Variants in CDX1 observed in about 807,000 individuals in gnomAD.
The protein encoded by CDX1 is caudal type homeobox 1.
In CDX1, 9 loss-of-function variants were observed where a neutral mutation model predicts 16.9. The ratio of observed to expected loss-of-function variants is 0.53; its 90% CI spans 0.32 to 0.93. The LOEUF (loss-of-function observed/expected upper bound fraction) is 0.93. Ranked by LOEUF, CDX1 falls within the 40% of genes least tolerant of loss-of-function variation. CDX1 has a pLI of 0.04. For missense variants in CDX1, 393 were observed against 386.1 expected (o/e 1.02, Z -0.15); for synonymous variants, 179 against 179.0 (o/e 1.00, Z 0.00).
rs745329598 is a variant in CDX1, at chr5:150,183,737, C to T, written c.*57C>T. On this transcript the variant is annotated 3_prime_UTR_variant, in exon 3 of 3. Coordinates refer to ENST00000231656, the MANE Select transcript of CDX1 (RefSeq NM_001804.3). ...GGGGACTCGGGTGCTGGGAGTGTGG[C>T]TCCTGTGGGCCCAGGAGGTCTGGTC... 3.2e-4 allele frequency: 436 copies of T among 1,373,948 alleles called. No homozygotes were observed. Among genetic ancestry groups the T allele is most frequent in the Middle Eastern group, 1.7e-3 (7 of 4,114 alleles). The allele number at this position is 1,373,948 out of a possible 1,614,324, so 85.1% of individuals were successfully genotyped here.
chr5:150,183,419 C>A, intron 2 of CDX1, 55 bp from the exon 3 acceptor site: 1 of 1,458,696 alleles, frequency 6.9e-7, no homozygotes, highest in Non-Finnish European at 9.3e-7. Flanking sequence ...TTCTTGCACT[C>A]TCTCTTTCAC....
intron 1 of CDX1, among the ~76,000 whole-genome samples, chr5:150,175,112 G>A (rs1202182905): frequency 6.6e-6 from 1 of 152,114 alleles, no homozygotes; most frequent in Non-Finnish European, 1.5e-5. Context: ...TGTCTCTGTA[G>A]TATCATCATC....
chr5:150,183,383 T>C, intron 2 of CDX1, 91 bp from the exon 3 acceptor site: 1 of 1,160,704 alleles, frequency 8.6e-7, no homozygotes, highest in Non-Finnish European at 1.2e-6. Context: ...CATGGAGAAA[T>C]AGGGGCTCAC....
chr5:150,176,747 C>A (rs576215352), intron 1 of CDX1, among the ~76,000 whole-genome samples: 1 of 152,316 alleles, frequency 6.6e-6, no homozygotes, highest in East Asian at 1.9e-4. Flanking sequence ...GGACCAGGAC[C>A]CACTGACTTT....
chr5:150,167,175 C>A lies in CDX1; in HGVS notation c.299C>A (p.Pro100Gln). The change falls in exon 1 of 3, where the codon CCG becomes CAG. Residue 100 changes from proline to glutamine, a missense_variant. Coordinates refer to ENST00000231656, the MANE Select transcript of CDX1 (RefSeq NM_001804.3). ...LAFGPPPDFSPVPAPPGPGPG... is the reference protein window; with the variant it reads ...LAFGPPPDFSQVPAPPGPGPG... ...TTCGGGCCCCCTCCAGACTTTAGCC[C>A]GGTGCCGGCGCCCCCTGGGCCCGGC... 1 of 1,278,412 alleles carries A rather than the reference C, an allele frequency of 7.8e-7. No individual in the cohort carries two copies. Among genetic ancestry groups the A allele is most frequent in the South Asian group, 2.8e-5 (1 of 36,000 alleles). The allele number at this position is 1,278,412 out of a possible 1,614,324, so 79.2% of individuals were successfully genotyped here.
chr5:150,167,759 G>A (rs959701677), intron 1 of CDX1, among the ~76,000 whole-genome samples: 3 of 152,250 alleles, frequency 2.0e-5, no homozygotes, highest in South Asian at 2.1e-4. Flanking sequence ...AACAGGGCAG[G>A]TGACTTTCCT....
chr5:150,182,578 G>A (rs1185759551), intron 1 of CDX1, among the ~76,000 whole-genome samples, 190 bp from the exon 2 acceptor site: 1 of 152,220 alleles, frequency 6.6e-6, no homozygotes, highest in Non-Finnish European at 1.5e-5. Flanking sequence ...TTGCCTCCCA[G>A]ACTGTGAGTC....
At chr5:150,167,358 G>A (rs947247532) in intron 1 of CDX1, 37 bp downstream of exon 1, 2 of 1,227,118 alleles carry the variant, frequency 1.6e-6, no homozygotes, top group East Asian at 6.3e-5. Context: ...CTCTGGACCT[G>A]CAGGTGCTCG....
Position 150,184,148 on chromosome 5 carries a change from T to A in CDX1, c.*468T>A. On this transcript the variant is annotated 3_prime_UTR_variant, in exon 3 of 3. Coordinates refer to ENST00000231656, the MANE Select transcript of CDX1 (RefSeq NM_001804.3). ...CTCACACCTGCCTCTTCCTGCAGCCTCACTTCTACCTGCCCCCATCATAAG... is the reference window on the plus strand; with the variant it reads ...CTCACACCTGCCTCTTCCTGCAGCCACACTTCTACCTGCCCCCATCATAAG... The A allele has an allele frequency of 6.5e-6, 1 of 153,778 alleles. No homozygotes were observed. The allele number at this position is 153,778 out of a possible 1,614,324, so 9.5% of individuals were successfully genotyped here. A position where few individuals can be genotyped will look rare whatever the true frequency, so the allele number is the denominator to read the frequency against.
intron 1 of CDX1, among the ~76,000 whole-genome samples, chr5:150,167,695 C>T (rs1047481524): frequency 6.6e-6 from 1 of 152,268 alleles, no homozygotes; most frequent in Non-Finnish European, 1.5e-5. Flanking sequence ...CCTAACCCAG[C>T]CCTAGGCAAA....
intron 1 of CDX1, among the ~76,000 whole-genome samples, chr5:150,181,341 C>A (rs1309839026): frequency 6.6e-6 from 1 of 152,208 alleles, no homozygotes; most frequent in Non-Finnish European, 1.5e-5. Flanking sequence ...AATCCTGGCT[C>A]ACCACAACCT....
At chr5:150,176,677 A>G (rs1464255853) in intron 1 of CDX1, among the ~76,000 whole-genome samples, 1 of 152,216 alleles carries the variant, frequency 6.6e-6, no homozygotes, top group Admixed American at 6.5e-5. Flanking sequence ...TGCACAGGCT[A>G]AACCAATGCC....
At chr5:150,174,815 C>A (rs10079297) in intron 1 of CDX1, among the ~76,000 whole-genome samples, 5 of 147,630 alleles carry the variant, frequency 3.4e-5, no homozygotes, top group South Asian at 2.1e-4. Context: ...TTGCTCTTGT[C>A]GCCCAGGCTG....
In CDX1 at chr5:150,184,115, G is replaced by C. The variant is rs762047854; in HGVS notation, c.*435G>C. ...GAGCATGACCTGAGGAGGGAGGAAC[G>C]TGGTCAACTCACACCTGCCTCTTCC... On this transcript the variant is annotated 3_prime_UTR_variant, in exon 3 of 3. Transcript: ENST00000231656. 6.4e-6 allele frequency: 1 copy of C among 155,194 alleles called. No homozygotes were observed. The highest frequency in any genetic ancestry group is 1.4e-5 in the Non-Finnish European group (1 of 70,154). 9.6% of individuals were successfully genotyped at this position (155,194 alleles called of 1,614,324 possible).
At chr5:150,170,948 G>A (rs1278000486) in intron 1 of CDX1, among the ~76,000 whole-genome samples, 1 of 152,048 alleles carries the variant, frequency 6.6e-6, no homozygotes, top group African/African-American at 2.4e-5. Context: ...ATCCTTCCGT[G>A]GAAGGCTCAG....
chr5:150,176,552 C>T (rs1761572130), intron 1 of CDX1, among the ~76,000 whole-genome samples: 1 of 152,130 alleles, frequency 6.6e-6, no homozygotes, highest in African/African-American at 2.4e-5. Flanking sequence ...TGGGGGTTGC[C>T]TGGGGTGGCA....
At chr5:150,170,134 G>A (rs1761484975) in intron 1 of CDX1, among the ~76,000 whole-genome samples, 1 of 152,128 alleles carries the variant, frequency 6.6e-6, no homozygotes. Context: ...AAGTCCTACT[G>A]CAGATCTTGT....
At chr5:150,174,118 C>T (rs1429135903) in intron 1 of CDX1, among the ~76,000 whole-genome samples, 3 of 152,202 alleles carry the variant, frequency 2.0e-5, no homozygotes, top group Non-Finnish European at 4.4e-5. Context: ...TCACCAAGGT[C>T]ACACAGCCAG....
At chr5:150,178,250 G>A (rs996722387) in intron 1 of CDX1, among the ~76,000 whole-genome samples, 14 of 152,162 alleles carry the variant, frequency 9.2e-5, no homozygotes, top group African/African-American at 2.2e-4. Context: ...GACATTCTGC[G>A]CATCCCAAAA....
Sources: allele counts gnomAD v4.1 joint callset (sites outside exome capture counted in the v4.1 genomes callset), GRCh38; gene constraint gnomAD v4.1.1; transcripts MANE v1.5; gene names NCBI Gene and HGNC (gene_info 2026-07-23, HGNC 2026-07-21).